Variants in FBXO30 observed in about 807,000 individuals in gnomAD.
The protein encoded by FBXO30 is F-box protein 30.
In FBXO30, 21 loss-of-function variants were observed where a neutral mutation model predicts 58.1. The ratio of observed to expected loss-of-function variants is 0.36; its 90% CI spans 0.26 to 0.52. The LOEUF (loss-of-function observed/expected upper bound fraction) is 0.52, where lower values mean the gene tolerates loss of function less well. Among genes scored for constraint, FBXO30 ranks in the 20% least tolerant of loss-of-function variants. The pLI, the probability that FBXO30 is intolerant of heterozygous loss-of-function variation, is 0.93. For synonymous variants in FBXO30, 309 were observed against 312.4 expected, an observed-to-expected ratio of 0.99 and a Z score of 0.11; for missense variants, 744 against 897.3, an observed-to-expected ratio of 0.83 and a Z score of 2.18.
rs573052266 is a variant in FBXO30 at position 145,812,382 on chromosome 6, G to A, written c.-17+2221C>T. 5.8e-4 allele frequency among the ~76,000 whole-genome samples: 88 copies of A among 152,084 alleles called. 2 individuals carry two copies. The South Asian group carries it at 0.015, about 26-fold the overall frequency. ...TAGTATTAATAAATATTTAATACTC[G>A]GACTAGAACCTATTTGAGTTGATAC... On this transcript the variant is annotated intron_variant, in intron 1 of 2. Coordinates refer to ENST00000237281, the MANE Select transcript of FBXO30 (RefSeq NM_032145.5).
chr6:145,795,920 G>A lies in FBXO30; in HGVS notation c.*4186C>T, dbSNP rs1433423043. ...GGCCCTCATTTCGCAAAGATTTTCA[G>A]AGCAACATATCACACTTGGTTAGTT... On this transcript the variant is annotated 3_prime_UTR_variant, in exon 3 of 3. Transcript: ENST00000237281. 4 of 151,860 alleles carry A rather than the reference G, an allele frequency of 2.6e-5. No individual in the cohort carries two copies. Among genetic ancestry groups the A allele is most frequent in the African/African-American group, 9.7e-5 (4 of 41,400 alleles). 9.4% of individuals were successfully genotyped at this position (151,860 alleles called of 1,614,324 possible). A position where few individuals can be genotyped will look rare whatever the true frequency, so the allele number is the denominator to read the frequency against.
chr6:145,805,491 A>G lies in FBXO30; in HGVS notation c.915T>C (p.Gly305=), dbSNP rs925377246. Residue 305 remains glycine, a synonymous_variant, in exon 2 of 3, where the codon GGT becomes GGC. Transcript: ENST00000237281. ...TTGTTAAGTTACTTTGTTTTGAATC[A>G]CCATGTAAATTCTGATTCTGGTCTA... The part of the protein sequence containing the change: ...QVIDQNQNLH[G]DSKQSNLTNG... The G allele has an allele frequency of 6.2e-7, 1 of 1,605,936 alleles. No homozygotes were observed. The highest frequency in any genetic ancestry group is 8.5e-7 in the Non-Finnish European group (1 of 1,175,576).
rs992573186 is a variant in FBXO30 at position 145,799,444 on chromosome 6, G to A, written c.*662C>T. 6.6e-6 allele frequency: 1 copy of A among 152,216 alleles called. No homozygotes were observed. The highest frequency in any genetic ancestry group is 1.5e-5 in the Non-Finnish European group (1 of 68,018). 9.4% of individuals were successfully genotyped at this position (152,216 alleles called of 1,614,324 possible). ...TATAACACACTGCGATGAGTCTTCGGATGTGGCATCTAACAAAAAAGAAAG... is the reference window on the plus strand; with the variant it reads ...TATAACACACTGCGATGAGTCTTCGAATGTGGCATCTAACAAAAAAGAAAG... On this transcript the variant is annotated 3_prime_UTR_variant, in exon 3 of 3. Coordinates refer to ENST00000237281, the MANE Select transcript of FBXO30 (RefSeq NM_032145.5).
intron 2 of FBXO30, among the ~76,000 whole-genome samples, chr6:145,804,122 G>GTT (rs1252964515): frequency 2.6e-5 from 4 of 152,072 alleles, no homozygotes; most frequent in African/African-American, 9.7e-5. Context: ...ATTGAGAAAC[G>GTT]TAAGTGGTCT....
chr6:145,794,513 A>G lies in FBXO30; in HGVS notation c.*5593T>C, dbSNP rs1777832692. On this transcript the variant is annotated 3_prime_UTR_variant, in exon 3 of 3. Transcript: ENST00000237281. ...TTCAGAGTAAGTTATTTCATATGACATGGCTGTCATGACAAAGCTATTGGA... is the reference window on the plus strand; with the variant it reads ...TTCAGAGTAAGTTATTTCATATGACGTGGCTGTCATGACAAAGCTATTGGA... 1 of 151,946 alleles carries G rather than the reference A, an allele frequency of 6.6e-6. No individual in the cohort carries two copies. Among genetic ancestry groups the G allele is most frequent in the Non-Finnish European group, 1.5e-5 (1 of 67,830 alleles). 9.4% of individuals were successfully genotyped at this position (151,946 alleles called of 1,614,324 possible). A position where few individuals can be genotyped will look rare whatever the true frequency, so the allele number is the denominator to read the frequency against.
rs1441293798 is a variant in FBXO30 at position 145,798,613 on chromosome 6, T to C, written c.*1493A>G. ...GTATTCTACTATTTAAAATGACTGGTGAGGCAAAACAATTGATTAGTCTTT... is the reference window on the plus strand; with the variant it reads ...GTATTCTACTATTTAAAATGACTGGCGAGGCAAAACAATTGATTAGTCTTT... On this transcript the variant is annotated 3_prime_UTR_variant, in exon 3 of 3. Coordinates refer to ENST00000237281, the MANE Select transcript of FBXO30 (RefSeq NM_032145.5). 6.6e-6 allele frequency: 1 copy of C among 152,476 alleles called. No individual in the cohort carries two copies. Among genetic ancestry groups the C allele is most frequent in the African/African-American group, 2.4e-5 (1 of 41,426 alleles). 9.4% of individuals were successfully genotyped at this position (152,476 alleles called of 1,614,324 possible).
chr6:145,810,950 T>A (rs1416809404), intron 1 of FBXO30, among the ~76,000 whole-genome samples: 3 of 152,194 alleles, frequency 2.0e-5, no homozygotes, highest in African/African-American at 7.2e-5. Flanking sequence ...GCTTACCTGT[T>A]ACTTTTCCAC....
intron 1 of FBXO30, chr6:145,812,040 T>G (rs1778348503): frequency 6.6e-6 from 1 of 152,128 alleles, no homozygotes; most frequent in Admixed American, 6.5e-5. Flanking sequence ...GGGCGGTGGT[T>G]AGACAAAATC....
Position 145,806,135 on chromosome 6 carries a change from T to C in FBXO30, c.271A>G (p.Thr91Ala). Reference sequence around the variant, plus strand: ...ACTGGCCATCGATTCCATTCCATAGTACAGCACACCACACTTGCAGGACAC... The same window carrying C: ...ACTGGCCATCGATTCCATTCCATAGCACAGCACACCACACTTGCAGGACAC... ...EMCPASVVCC[T>A]MEWNRWPVSY... Residue 91 changes from threonine to alanine, a missense_variant, in exon 2 of 3, where the codon ACT becomes GCT. Coordinates refer to ENST00000237281, the MANE Select transcript of FBXO30 (RefSeq NM_032145.5). 1.2e-6 allele frequency: 2 copies of C among 1,614,122 alleles called. No individual in the cohort carries two copies. Among genetic ancestry groups the C allele is most frequent in the East Asian group, 4.5e-5 (2 of 44,876 alleles).
intron 1 of FBXO30, among the ~76,000 whole-genome samples, chr6:145,808,233 A>T (rs1435881485): frequency 7.7e-6 from 1 of 130,396 alleles, no homozygotes; most frequent in African/African-American, 3.1e-5. Context: ...AAAACTGAAA[A>T]CCACCAAAAA....
chr6:145,800,339 CAA>C (rs1777958515), intron 2 of FBXO30, 30 bp from the exon 3 acceptor site: 1 of 1,582,384 alleles, frequency 6.3e-7, no homozygotes, highest in African/African-American at 1.3e-5. Flanking sequence ...TAGATTTAAA[CAA>C]GTCAATGTGT....
intron 1 of FBXO30, among the ~76,000 whole-genome samples, chr6:145,808,987 T>G (rs957010031): frequency 5.3e-5 from 8 of 152,072 alleles, no homozygotes; most frequent in Admixed American, 1.3e-4. Flanking sequence ...CTTGATTCAG[T>G]AGAAAAGTTC....
chr6:145,799,121 C>T lies in FBXO30; in HGVS notation c.*985G>A, dbSNP rs979754837. On this transcript the variant is annotated 3_prime_UTR_variant, in exon 3 of 3. Transcript: ENST00000237281. ...CTCGGAAATGTTTCAAAGAGATTGT[C>T]AACCAAGACAGGTTTCTACATGATT... 2 of 151,690 alleles carry T rather than the reference C, an allele frequency of 1.3e-5. No individual in the cohort carries two copies. Among genetic ancestry groups the T allele is most frequent in the African/African-American group, 2.4e-5 (1 of 41,308 alleles). The allele number at this position is 151,690 out of a possible 1,614,324, so 9.4% of individuals were successfully genotyped here. A position where few individuals can be genotyped will look rare whatever the true frequency, so the allele number is the denominator to read the frequency against.
chr6:145,798,167 T>G lies in FBXO30; in HGVS notation c.*1939A>C, dbSNP rs1398493934. The G allele has an allele frequency of 1.3e-5, 2 of 152,074 alleles. No individual in the cohort carries two copies. Among genetic ancestry groups the G allele is most frequent in the Non-Finnish European group, 2.9e-5 (2 of 67,968 alleles). The allele number at this position is 152,074 out of a possible 1,614,324, so 9.4% of individuals were successfully genotyped here. On this transcript the variant is annotated 3_prime_UTR_variant, in exon 3 of 3. Transcript: ENST00000237281. ...AACAAGTATTAAAATTTTATTTAAA[T>G]GAACGTTTTTAAGTTATTGAGCCAT...
At position 145,804,626 on chromosome 6, in the gene FBXO30, A is replaced by C; in HGVS notation, c.1780T>G (p.Ser594Ala). 1 of 1,613,868 alleles carries C rather than the reference A, an allele frequency of 6.2e-7. No individual in the cohort carries two copies. Among genetic ancestry groups the C allele is most frequent in the Non-Finnish European group, 8.5e-7 (1 of 1,179,862 alleles). The change falls in exon 2 of 3, where the codon TCT becomes GCT. Residue 594 changes from serine (S) to alanine (A), a missense_variant. By Grantham distance (99) the Ser-to-Ala change is moderately conservative. Coordinates refer to ENST00000237281, the MANE Select transcript of FBXO30 (RefSeq NM_032145.5). ...CTAGCAGGCTCCACTAATACTGTAG[A>C]TACACATGGCTGAACTCCAAATGAC... Reference protein sequence around the residue: ...LRSFGVQPCVSTVLVEPARNC... With the variant: ...LRSFGVQPCVATVLVEPARNC...
rs1777862944 is a variant in FBXO30, at chr6:145,796,141, A to T, written c.*3965T>A. On this transcript the variant is annotated 3_prime_UTR_variant, in exon 3 of 3. Coordinates refer to ENST00000237281, the MANE Select transcript of FBXO30 (RefSeq NM_032145.5). ...ACTAATCACTGCCTAAATTTTGAGTACCTATTTTCTCATCCATAAAATTCA... is the reference window on the plus strand; with the variant it reads ...ACTAATCACTGCCTAAATTTTGAGTTCCTATTTTCTCATCCATAAAATTCA... 6.6e-6 allele frequency: 1 copy of T among 151,946 alleles called. No homozygotes were observed. The highest frequency in any genetic ancestry group is 1.9e-4 in the East Asian group (1 of 5,188). 9.4% of individuals were successfully genotyped at this position (151,946 alleles called of 1,614,324 possible).
Position 145,800,293 on chromosome 6 carries a change from G to A in FBXO30, c.2051C>T (p.Thr684Ile). Residue 684 changes from threonine to isoleucine, a missense_variant, in exon 3 of 3, where the codon ACT becomes ATT. Thr to Ile is a moderately conservative substitution (Grantham distance 89). Coordinates refer to ENST00000237281, the MANE Select transcript of FBXO30 (RefSeq NM_032145.5). ...QIKEKVWRFS[T>I]AFCSVNEWKF... is the part of the protein sequence containing the mutation. ...CCATTCATTAACAGAACAAAATGCA[G>A]TACTAAATCGCCATACCTACAAGAA... is the stretch of plus-strand genomic sequence containing the variant. The A allele has an allele frequency of 6.2e-7, 1 of 1,612,252 alleles. No homozygotes were observed. The highest frequency in any genetic ancestry group is 2.2e-5 in the East Asian group (1 of 44,832).
intron 2 of FBXO30, among the ~76,000 whole-genome samples, chr6:145,800,691 A>G (rs1450844987): frequency 6.6e-6 from 1 of 152,076 alleles, no homozygotes; most frequent in African/African-American, 2.4e-5. Context: ...TCTAGAACTA[A>G]TTACACTCTG....
chr6:145,814,693 C>A lies in FBXO30; in HGVS notation c.-107G>T. On this transcript the variant is annotated 5_prime_UTR_variant, in exon 1 of 3. Coordinates refer to ENST00000237281, the MANE Select transcript of FBXO30 (RefSeq NM_032145.5). Reference sequence around the variant, plus strand: ...CTCTGTCCCGGCGACGCTCCGTACCCCACACAGCCGTCCGAACCGCCTCCT... The same window carrying A: ...CTCTGTCCCGGCGACGCTCCGTACCACACACAGCCGTCCGAACCGCCTCCT... The A allele has an allele frequency of 6.5e-6, 1 of 153,386 alleles. No individual in the cohort carries two copies. Among genetic ancestry groups the A allele is most frequent in the Non-Finnish European group, 1.4e-5 (1 of 69,104 alleles). The allele number at this position is 153,386 out of a possible 1,614,324, so 9.5% of individuals were successfully genotyped here. A position where few individuals can be genotyped will look rare whatever the true frequency, so the allele number is the denominator to read the frequency against.
Sources: allele counts gnomAD v4.1 joint callset (sites outside exome capture counted in the v4.1 genomes callset), GRCh38; gene constraint gnomAD v4.1.1; transcripts MANE v1.5; gene names NCBI Gene and HGNC (gene_info 2026-07-23, HGNC 2026-07-21).